The following AFTPH variants were observed in gnomAD, a reference collection of about 807,000 sequenced individuals.
AFTPH encodes the protein aftiphilin protein.
In AFTPH, 7 loss-of-function variants were observed where a neutral mutation model predicts 72.5. That is an observed-to-expected ratio of 0.10 (90% CI 0.05 to 0.18). The LOEUF is 0.18. Among genes scored for constraint, AFTPH ranks in the 10% least tolerant of loss-of-function variants. The pLI is 1.00. For synonymous variants in AFTPH, 337 were observed against 370.1 expected, an observed-to-expected ratio of 0.91 and a Z score of 1.03; for missense variants, 979 against 1,060.5, an observed-to-expected ratio of 0.92 and a Z score of 1.07.
chr2:64,544,147 A>G (rs925341460), intron 1 of AFTPH, among the ~76,000 whole-genome samples: 7 of 152,102 alleles, frequency 4.6e-5, no homozygotes, highest in African/African-American at 1.7e-4. Context: ...ACTTCTATTA[A>G]TTATTTTTAT....
At position 64,552,851 on chromosome 2, in the gene AFTPH, C is replaced by T. The variant is rs1671135518; in HGVS notation, c.1377C>T (p.Ala459=). The change falls in exon 2 of 9, where the codon GCC becomes GCT. Residue 459 remains alanine (A), a synonymous_variant. Coordinates refer to ENST00000238856, the Ensembl canonical transcript of AFTPH. ...GTACTCAAGATTCAATGAGTGATGC[C>T]ACTTTTGAAGAGTCTTCAGAGCACT... is the stretch of plus-strand genomic sequence containing the variant. The T allele has an allele frequency of 2.5e-6, 4 of 1,614,140 alleles. No individual in the cohort carries two copies. The East Asian group carries it at 8.9e-5, about 36-fold the overall frequency.
intron 1 of AFTPH, among the ~76,000 whole-genome samples, chr2:64,536,265 G>A (rs915080536): frequency 1.3e-5 from 2 of 152,112 alleles, no homozygotes; most frequent in African/African-American, 4.8e-5. Context: ...ATTTCTCAGT[G>A]ATAAGAATAT....
At chr2:64,551,456 AT>A in exon 2 of AFTPH, 1 of 1,591,150 alleles carries the variant, frequency 6.3e-7, no homozygotes, top group Non-Finnish European at 8.5e-7. Context: ...TAAATTAATT[AT>A]TTGAAAGCAA....
chr2:64,587,375 A>T (rs2104250397), intron 8 of AFTPH, among the ~76,000 whole-genome samples: 1 of 152,354 alleles, frequency 6.6e-6, no homozygotes, highest in East Asian at 1.9e-4. Flanking sequence ...TGGTAAAAAA[A>T]TACAAATGCC....
chr2:64,592,731 G>A (rs1403520003), exon 9 of AFTPH: 2 of 152,480 alleles, frequency 1.3e-5, no homozygotes, highest in Non-Finnish European at 2.9e-5. Flanking sequence ...GTCTTACAAT[G>A]GAATTTACTT....
intron 1 of AFTPH, among the ~76,000 whole-genome samples, chr2:64,546,817 G>A (rs893037365): frequency 2.7e-5 from 4 of 150,916 alleles, no homozygotes; most frequent in East Asian, 1.9e-4. Flanking sequence ...GGCAGATCAC[G>A]AGGTCAGGAG....
chr2:64,566,013 A>G (rs1672068147), intron 2 of AFTPH, among the ~76,000 whole-genome samples: 1 of 152,228 alleles, frequency 6.6e-6, no homozygotes, highest in Non-Finnish European at 1.5e-5. Flanking sequence ...AAAGATAACA[A>G]AGAGGATACA....
chr2:64,553,640 C>T (rs991172827), intron 2 of AFTPH, among the ~76,000 whole-genome samples: 1 of 148,754 alleles, frequency 6.7e-6, no homozygotes, highest in Non-Finnish European at 1.5e-5. Context: ...CAATGAGTTT[C>T]GTTAATATTT....
intron 2 of AFTPH, among the ~76,000 whole-genome samples, chr2:64,557,184 A>G (rs1671429800): frequency 6.6e-6 from 1 of 152,192 alleles, no homozygotes; most frequent in South Asian, 2.1e-4. Flanking sequence ...TGATAGCTAC[A>G]TGATAAAAGA....
chr2:64,569,563 TTTCATTGTATGATAGATTATTCTCTAAA>T, intron 4 of AFTPH, 32 bp from the exon 5 acceptor site: 1 of 1,550,816 alleles, frequency 6.4e-7, no homozygotes, highest in Non-Finnish European at 8.9e-7. Flanking sequence ...TTGGAAACTA[TTTCATTGTATGATAGATTATTCTCTAAA>T]TATATGTTCT....
rs770141811 is a variant in AFTPH, at chr2:64,551,489, C to T, written c.15C>T (p.Ile5=). 3 of 1,613,308 alleles carry T rather than the reference C, an allele frequency of 1.9e-6. No homozygotes were observed. In the South Asian group the frequency reaches 3.3e-5, roughly 18 times the overall value. The change falls in exon 2 of 9, where the codon ATC becomes ATT. Residue 5 remains isoleucine (I), a synonymous_variant. Coordinates refer to ENST00000238856, the Ensembl canonical transcript of AFTPH. ...GCAACTGAACAATGGAGCCAGACATCATTCGAATGTACTCTTCATCCCCAC... is the reference window on the plus strand; with the variant it reads ...GCAACTGAACAATGGAGCCAGACATTATTCGAATGTACTCTTCATCCCCAC...
At chr2:64,545,142 A>G (rs981333850) in intron 1 of AFTPH, among the ~76,000 whole-genome samples, 6 of 152,128 alleles carry the variant, frequency 3.9e-5, no homozygotes, top group African/African-American at 9.7e-5. Flanking sequence ...GAAAAAAGCA[A>G]TAGGTTAATC....
At chr2:64,552,239 T>C in exon 2 of AFTPH, 1 of 1,613,938 alleles carries the variant, frequency 6.2e-7, no homozygotes, top group East Asian at 2.2e-5. Context: ...TTTTAAATGA[T>C]AGAGAAGCAC....
At chr2:64,564,092 T>C (rs970413283) in intron 2 of AFTPH, among the ~76,000 whole-genome samples, 2 of 152,252 alleles carry the variant, frequency 1.3e-5, no homozygotes, top group South Asian at 4.1e-4. Context: ...TCTTAAAAAC[T>C]AGGTACTTTT....
intron 1 of AFTPH, among the ~76,000 whole-genome samples, chr2:64,528,921 A>G (rs903589594): frequency 2.0e-5 from 3 of 152,182 alleles, no homozygotes; most frequent in Non-Finnish European, 4.4e-5. Context: ...TAGCTGTTAT[A>G]TAGAAAATAG....
intron 1 of AFTPH, among the ~76,000 whole-genome samples, chr2:64,548,410 A>AAAAAG: frequency 7.0e-6 from 1 of 143,488 alleles, no homozygotes; most frequent in Non-Finnish European, 1.5e-5. Flanking sequence ...AAAAAAAGAA[A>AAAAAG]AAAAAAAAAA....
chr2:64,555,010 G>A (rs771972537), intron 2 of AFTPH, among the ~76,000 whole-genome samples: 23 of 152,164 alleles, frequency 1.5e-4, no homozygotes, highest in African/African-American at 4.6e-4. Flanking sequence ...ATAATAAAGC[G>A]TATGGGCTTC....
chr2:64,571,083 G>C (rs1672395552), intron 5 of AFTPH, among the ~76,000 whole-genome samples: 1 of 151,506 alleles, frequency 6.6e-6, no homozygotes, highest in Non-Finnish European at 1.5e-5. Context: ...TTAATATCAA[G>C]TTTTAATTAT....
At chr2:64,576,483 G>A (rs1672809456) in intron 6 of AFTPH, among the ~76,000 whole-genome samples, 1 of 152,098 alleles carries the variant, frequency 6.6e-6, no homozygotes, top group South Asian at 2.1e-4. Context: ...GTTTAAGGGT[G>A]AAAACAGTAA....
Sources: allele counts gnomAD v4.1 joint callset (sites outside exome capture counted in the v4.1 genomes callset), GRCh38; gene constraint gnomAD v4.1.1; transcripts MANE v1.5; gene names NCBI Gene and HGNC (gene_info 2026-07-23, HGNC 2026-07-21).